PAM: variants seen among roughly 807,000 people sequenced by gnomAD.
PAM encodes peptidylglycine alpha-amidating monooxygenase.
PAM carries 72 observed loss-of-function variants against 122.1 expected under a neutral mutation model. The ratio of observed to expected loss-of-function variants is 0.59; its 90% CI spans 0.49 to 0.72. The LOEUF (loss-of-function observed/expected upper bound fraction) is 0.72, where lower values mean the gene tolerates loss of function less well. Ranked by LOEUF, PAM falls within the 30% of genes least tolerant of loss-of-function variation. PAM has a pLI of 0.00. For synonymous variants in PAM, 389 were observed against 404.4 expected, an observed-to-expected ratio of 0.96 and a Z score of 0.46; for missense variants, 1,106 against 1,183.7, an observed-to-expected ratio of 0.93 and a Z score of 0.96.
intron 14 of PAM, among the ~76,000 whole-genome samples, chr5:102,969,697 GAAGATT>G (rs540286422): frequency 2.2e-4 from 34 of 152,300 alleles, no homozygotes; most frequent in Non-Finnish European, 3.7e-4. Context: ...AATATGGCGA[GAAGATT>G]AAGAGCTCCA....
intron 1 of PAM, among the ~76,000 whole-genome samples, chr5:102,798,605 T>G (rs1763939166): frequency 6.6e-6 from 1 of 152,190 alleles, no homozygotes; most frequent in Non-Finnish European, 1.5e-5. Flanking sequence ...TTACTTCTTT[T>G]TTTCTTCACC....
intron 1 of PAM, among the ~76,000 whole-genome samples, chr5:102,764,392 T>C (rs1753274132): frequency 1.3e-5 from 2 of 151,974 alleles, no homozygotes; most frequent in Admixed American, 6.6e-5. Flanking sequence ...CACAGGATGG[T>C]CAACAAAAAC....
chr5:102,981,892 G>T (rs903953749), intron 15 of PAM, among the ~76,000 whole-genome samples: 27 of 152,140 alleles, frequency 1.8e-4, no homozygotes, highest in Non-Finnish European at 1.5e-4. Flanking sequence ...GATTTATCTA[G>T]TCATTTCTAA....
At chr5:102,882,085 ATATATATATATATATATATATATAT>A (rs1581273330) in intron 3 of PAM, among the ~76,000 whole-genome samples, 3 of 67,248 alleles carry the variant, frequency 4.5e-5, no homozygotes, top group East Asian at 6.3e-4. Context: ...ATATATATAT[ATATATATATATATATATATATATAT>A]ACACCACATT....
chr5:102,988,715 GAAA>G (rs1383078639), intron 15 of PAM, among the ~76,000 whole-genome samples: 1 of 143,728 alleles, frequency 7.0e-6, no homozygotes, highest in African/African-American at 2.6e-5. Context: ...GAGAAAGAAA[GAAA>G]AGAAAAAAGG....
Position 102,950,794 on chromosome 5 carries a change from A to G in PAM, c.879A>G (p.Glu293=), listed in dbSNP as rs370732168. The G allele has an allele frequency of 6.8e-6, 11 of 1,608,394 alleles. No homozygotes were observed. Among genetic ancestry groups the G allele is most frequent in the Non-Finnish European group, 9.4e-6 (11 of 1,175,238 alleles). The change falls in exon 12 of 26, where the codon GAA becomes GAG. Residue 293 remains glutamate (E), a synonymous_variant. Transcript: ENST00000438793. ...LLAARCVFTG[E]GRTEATHIGG... ...CTGCAAGATGTGTATTCACTGGTGAAGGAAGGACAGAAGCCACACACATTG... is the reference window on the plus strand; with the variant it reads ...CTGCAAGATGTGTATTCACTGGTGAGGGAAGGACAGAAGCCACACACATTG...
intron 4 of PAM, among the ~76,000 whole-genome samples, chr5:102,902,874 G>T (rs937615186): frequency 6.6e-6 from 1 of 151,560 alleles, no homozygotes; most frequent in Middle Eastern, 3.4e-3. Flanking sequence ...ACATTAATAG[G>T]TTTGTTTCTG....
intron 7 of PAM, among the ~76,000 whole-genome samples, chr5:102,945,768 ACTGT>A (rs1223904528): frequency 1.4e-5 from 2 of 146,008 alleles, no homozygotes; most frequent in African/African-American, 5.2e-5. Flanking sequence ...ACAGTTCTTA[ACTGT>A]CTGAGTACTG....
rs777944300 is a variant in PAM at position 103,029,054 on chromosome 5, T to C, written c.2911T>C (p.Ser971Pro). The C allele has an allele frequency of 2.7e-5, 44 of 1,602,632 alleles. No homozygotes were observed. Among genetic ancestry groups the C allele is most frequent in the African/African-American group, 6.7e-5 (5 of 74,266 alleles). ...YSAPLPALAP[S>P]SS ...AGCACCTCTGCCTGCGCTCGCACCT[T>C]CCTCCTCCTGAAAACCAAGCTTTGA... is the stretch of plus-strand genomic sequence containing the variant. Residue 971 changes from serine to proline, a missense_variant, in exon 26 of 26, where the codon TCC becomes CCC. Physicochemically the swap from Ser to Pro is moderately conservative, Grantham distance 74 (BLOSUM62 -1). This residue lies in a region of PAM where 333 missense variants were observed against 335.6 expected (regional missense o/e 0.99). Coordinates refer to ENST00000438793, the MANE Select transcript of PAM (RefSeq NM_001177306.2).
intron 1 of PAM, among the ~76,000 whole-genome samples, chr5:102,800,304 C>G (rs1306400373): frequency 1.3e-5 from 2 of 152,190 alleles, no homozygotes; most frequent in Non-Finnish European, 2.9e-5. Flanking sequence ...AGTCATTCCC[C>G]CATCCAGTCA....
chr5:103,024,342 T>G (rs1317465932), intron 23 of PAM, among the ~76,000 whole-genome samples: 1 of 152,146 alleles, frequency 6.6e-6, no homozygotes, highest in Non-Finnish European at 1.5e-5. Context: ...AACAGTACTT[T>G]AGGCTTGATA....
chr5:102,986,061 A>T (rs1376860333), intron 15 of PAM, among the ~76,000 whole-genome samples: 1 of 152,212 alleles, frequency 6.6e-6, no homozygotes, highest in Non-Finnish European at 1.5e-5. Context: ...CTCTCAATAA[A>T]TTAGGCCTAG....
intron 5 of PAM, among the ~76,000 whole-genome samples, chr5:102,921,601 A>T (rs1205679491): frequency 6.6e-6 from 1 of 152,214 alleles, no homozygotes; most frequent in East Asian, 1.9e-4. Context: ...ACAGGGTTTT[A>T]AAAATTAAAC....
chr5:102,963,453 A>T (rs947541869), intron 14 of PAM, among the ~76,000 whole-genome samples: 1 of 152,000 alleles, frequency 6.6e-6, no homozygotes, highest in African/African-American at 2.4e-5. Context: ...ATGTATGTTA[A>T]TTTTTAAAGT....
At chr5:102,896,966 C>T (rs1796388315) in intron 3 of PAM, among the ~76,000 whole-genome samples, 1 of 151,588 alleles carries the variant, frequency 6.6e-6, no homozygotes, top group African/African-American at 2.4e-5. Context: ...TAGTGTGAGC[C>T]TCCTATGCAT....
intron 1 of PAM, among the ~76,000 whole-genome samples, chr5:102,786,657 A>G (rs867693590): frequency 4.7e-4 from 72 of 152,298 alleles, no homozygotes; most frequent in Admixed American, 1.0e-3. Context: ...ACTAAAAATT[A>G]CTTTCCAAGT....
At chr5:102,937,797 TTCATGC>T (rs1753776244) in intron 7 of PAM, among the ~76,000 whole-genome samples, 1 of 152,172 alleles carries the variant, frequency 6.6e-6, no homozygotes. Flanking sequence ...TGTAACAAAG[TTCATGC>T]TCTAACTATG....
Position 102,974,367 on chromosome 5 carries a change from G to A in PAM, c.1414G>A (p.Glu472Lys). Residue 472 changes from glutamate (E) to lysine (K), a missense_variant, in exon 15 of 26, where the codon GAG becomes AAG. By Grantham distance (56) the Glu-to-Lys change is moderately conservative. This residue lies in a region of PAM where 670 missense variants were observed against 690.3 expected (regional missense o/e 0.97). Coordinates refer to ENST00000438793, the MANE Select transcript of PAM (RefSeq NM_001177306.2). ...HRLVSTLRPP[E>K]SRVFSLQQPP... ...ACTAGTATCTACCTTGAGGCCACCA[G>A]AGAGCAGAGTTTTCTCATTACAGCA... The A allele has an allele frequency of 6.2e-7, 1 of 1,614,096 alleles. No individual in the cohort carries two copies. The highest frequency in any genetic ancestry group is 8.5e-7 in the Non-Finnish European group (1 of 1,179,962).
At chr5:102,950,416 G>GGTGGGTGTGTGTGTGTGTGT (rs1554134181) in intron 11 of PAM, among the ~76,000 whole-genome samples, 11 of 146,060 alleles carry the variant, frequency 7.5e-5, no homozygotes, top group African/African-American at 2.8e-4. Flanking sequence ...TATGTGGGTG[G>GGTGGGTGTGTGTGTGTGTGT]GTGTGTGTGT....
Sources: gnomAD v4.1 joint callset for allele counts (sites outside exome capture counted in the v4.1 genomes callset) on GRCh38, gnomAD v4.1.1 for gene constraint, gnomAD v4.1.1 regional missense constraint, MANE v1.5 for transcripts, NCBI Gene and HGNC (gene_info 2026-07-23, HGNC 2026-07-21) for gene names.